EHBP1: variants seen among roughly 807,000 people sequenced by gnomAD.
EHBP1 encodes the protein EH domain-binding protein 1.
Under a neutral mutation model 144.0 loss-of-function variants are expected in EHBP1, and 55 were observed. The observed-to-expected ratio is 0.38, with a 90% confidence interval of 0.31 to 0.48. EHBP1 has a LOEUF of 0.48. Among genes scored for constraint, EHBP1 ranks in the 20% least tolerant of loss-of-function variants. EHBP1 has a pLI of 0.98. For synonymous variants in EHBP1, 469 were observed against 472.7 expected, an observed-to-expected ratio of 0.99 and a Z score of 0.10; for missense variants, 1,200 against 1,364.2, an observed-to-expected ratio of 0.88 and a Z score of 1.90.
intron 10 of EHBP1, among the ~76,000 whole-genome samples, chr2:62,878,999 C>G (rs772419729): frequency 2.7e-5 from 4 of 148,462 alleles, no homozygotes; most frequent in African/African-American, 1.0e-4. Flanking sequence ...GCCTGGGTGA[C>G]AGTGTGAGAC....
At chr2:62,801,060 A>G (rs768154206) in intron 5 of EHBP1, among the ~76,000 whole-genome samples, 51 of 152,238 alleles carry the variant, frequency 3.4e-4, no homozygotes, top group Non-Finnish European at 6.2e-4. Flanking sequence ...TGTTTATTCA[A>G]AGGTTTATAA....
At chr2:62,779,263 G>A (rs781114798) in intron 5 of EHBP1, among the ~76,000 whole-genome samples, 1 of 152,116 alleles carries the variant, frequency 6.6e-6, no homozygotes, top group Non-Finnish European at 1.5e-5. Flanking sequence ...CCACTAGGCA[G>A]CATACTCCAC....
At chr2:62,902,727 A>G (rs1011956336) in intron 10 of EHBP1, among the ~76,000 whole-genome samples, 1 of 152,230 alleles carries the variant, frequency 6.6e-6, no homozygotes, top group African/African-American at 2.4e-5. Context: ...AGACTCCAAA[A>G]TAATTATATG....
chr2:62,824,764 A>G (rs916865943), intron 5 of EHBP1, among the ~76,000 whole-genome samples: 3 of 151,880 alleles, frequency 2.0e-5, no homozygotes, highest in African/African-American at 4.8e-5. Context: ...GCTACATTAC[A>G]TTTTTACTTG....
At chr2:62,837,127 TA>T (rs1474383299) in intron 7 of EHBP1, among the ~76,000 whole-genome samples, 3 of 146,456 alleles carry the variant, frequency 2.0e-5, no homozygotes, top group Admixed American at 2.0e-4. Context: ...CCCATCAGAC[TA>T]ACAGCGGATC....
intron 2 of EHBP1, among the ~76,000 whole-genome samples, chr2:62,727,849 C>G (rs952232536): frequency 3.3e-5 from 5 of 152,210 alleles, no homozygotes; most frequent in African/African-American, 1.2e-4. Context: ...CCAGACAAGG[C>G]TGTTATTTTG....
chr2:62,803,262 G>T (rs562152719), intron 5 of EHBP1, among the ~76,000 whole-genome samples: 4 of 151,490 alleles, frequency 2.6e-5, no homozygotes, highest in African/African-American at 9.7e-5. Context: ...TTATGCACAC[G>T]TGCATGATAG....
chr2:62,820,278 G>A (rs1407300016), intron 5 of EHBP1, among the ~76,000 whole-genome samples: 42 of 149,410 alleles, frequency 2.8e-4, no homozygotes, highest in Non-Finnish European at 1.5e-5. Flanking sequence ...TTTTTAAAAT[G>A]GTAATTTTAT....
At chr2:62,789,270 GT>G (rs1285696648) in intron 5 of EHBP1, among the ~76,000 whole-genome samples, 1 of 152,184 alleles carries the variant, frequency 6.6e-6, no homozygotes, top group African/African-American at 2.4e-5. Context: ...ACATATATAT[GT>G]AGTAGAAAAA....
chr2:63,023,546 C>G (rs896382534), intron 19 of EHBP1, among the ~76,000 whole-genome samples: 1 of 152,198 alleles, frequency 6.6e-6, no homozygotes, highest in African/African-American at 2.4e-5. Context: ...GTCAGTGTCC[C>G]TTGTACTTAC....
intron 7 of EHBP1, among the ~76,000 whole-genome samples, chr2:62,838,706 C>G (rs1419160662): frequency 1.3e-5 from 2 of 151,656 alleles, no homozygotes; most frequent in Non-Finnish European, 2.9e-5. Context: ...AAGAATACTA[C>G]AAACACCTCT....
chr2:62,987,948 G>T, intron 15 of EHBP1: 1 of 1,585,152 alleles, frequency 6.3e-7, no homozygotes, highest in South Asian at 1.1e-5. Flanking sequence ...TGATAATATT[G>T]AGATAGATAC....
At chr2:62,952,701 T>TAA (rs1447847939) in intron 13 of EHBP1, among the ~76,000 whole-genome samples, 1 of 152,154 alleles carries the variant, frequency 6.6e-6, no homozygotes. Context: ...TGATAAATGT[T>TAA]AAAGTTTGAA....
At chr2:62,953,708 T>C (rs1422721973) in intron 13 of EHBP1, among the ~76,000 whole-genome samples, 1 of 152,164 alleles carries the variant, frequency 6.6e-6, no homozygotes, top group African/African-American at 2.4e-5. Context: ...TATTTTTTTC[T>C]TTTTAACTTG....
rs1338659876 is a variant in EHBP1, at chr2:62,747,428, A to G, written c.138A>G (p.Arg46=). 6 of 1,609,960 alleles carry G rather than the reference A, an allele frequency of 3.7e-6. No homozygotes were observed. Among genetic ancestry groups the G allele is most frequent in the Non-Finnish European group, 5.1e-6 (6 of 1,177,920 alleles). Residue 46 remains arginine (R), a synonymous_variant, in exon 3 of 23, where the codon AGA becomes AGG. Transcript: ENST00000431489. ...QPDKLVVVWT[R]RSRRKSSKAH... ...ATAAACTGGTGGTAGTTTGGACCAG[A>G]AGAAGCCGAAGGAAGTCTTCTAAGG...
intron 5 of EHBP1, among the ~76,000 whole-genome samples, chr2:62,817,965 C>T (rs964206082): frequency 1.3e-5 from 2 of 151,700 alleles, no homozygotes; most frequent in African/African-American, 2.4e-5. Flanking sequence ...TATAATAATT[C>T]GGTGATACAA....
At position 62,754,969 on chromosome 2, in the gene EHBP1, A is replaced by C. The variant is rs184536557; in HGVS notation, c.162+7517A>C. ...GCAATGCCTTGCCCTGCTTCGGCTCATGCTCGATGGGCTGCACCCACTGTC... is the reference window on the plus strand; with the variant it reads ...GCAATGCCTTGCCCTGCTTCGGCTCCTGCTCGATGGGCTGCACCCACTGTC... On this transcript the variant is annotated intron_variant, in intron 3 of 22. Transcript: ENST00000431489. 5.3e-5 allele frequency among the ~76,000 whole-genome samples: 8 copies of C among 152,286 alleles called. No individual in the cohort carries two copies. The South Asian group carries it at 1.7e-3, about 32-fold the overall frequency.
intron 14 of EHBP1, among the ~76,000 whole-genome samples, chr2:62,958,623 A>G (rs1268947052): frequency 6.6e-6 from 1 of 152,234 alleles, no homozygotes; most frequent in Non-Finnish European, 1.5e-5. Context: ...CTGATTACAC[A>G]GGTATATACA....
chr2:62,949,064 G>T lies in EHBP1; in HGVS notation c.2218G>T (p.Ala740Ser). 6.2e-7 allele frequency: 1 copy of T among 1,607,996 alleles called. No homozygotes were observed. The highest frequency in any genetic ancestry group is 1.1e-5 in the South Asian group (1 of 89,126). Residue 740 changes from alanine (A) to serine (S), a missense_variant, in exon 13 of 23, where the codon GCT (alanine) becomes TCT (serine). By Grantham distance (99) the Ala-to-Ser change is moderately conservative (BLOSUM62 1). This residue lies in a region of EHBP1 where 543 missense variants were observed against 513.1 expected (regional missense o/e 1.06). Transcript: ENST00000431489. ...CTCATATAGTAGAGATCTAGACCTT[G>T]CTAAGAAAAAACATGCTTCCCTGAG... is the stretch of plus-strand genomic sequence containing the variant. Reference protein sequence around the residue: ...GYSYSRDLDLAKKKHASLRQT... With the variant: ...GYSYSRDLDLSKKKHASLRQT...
Sources: allele counts gnomAD v4.1 joint callset (sites outside exome capture counted in the v4.1 genomes callset), GRCh38; gene constraint gnomAD v4.1.1; regional missense constraint gnomAD v4.1.1; transcripts MANE v1.5; gene names NCBI Gene and HGNC (gene_info 2026-07-23, HGNC 2026-07-21).